SPATA13: variants seen among roughly 807,000 people sequenced by gnomAD.
SPATA13 encodes the protein spermatogenesis associated 13.
SPATA13 carries 50 observed loss-of-function variants against 104.0 expected under a neutral mutation model. The ratio of observed to expected loss-of-function variants is 0.48; its 90% CI spans 0.38 to 0.61. The LOEUF is 0.61. Ranked by LOEUF, SPATA13 falls within the 20% of genes least tolerant of loss-of-function variation. The pLI is 0.00. For missense variants in SPATA13, 1,524 were observed against 1,690.6 expected (o/e 0.90, Z 1.73); for synonymous variants, 606 against 667.5 (o/e 0.91, Z 1.42).
chr13:24,160,758 C>A lies in SPATA13; in HGVS notation c.-286C>A. ...CGGCGCGGGAGGAGAGTGTGCGTTG[C>A]GCTTTCTCCCGCGATCGCCCTGCCG... On this transcript the variant is annotated 5_prime_UTR_variant, in exon 1 of 13. Transcript: ENST00000382108. 1 of 985,410 alleles carries A rather than the reference C, an allele frequency of 1.0e-6. No homozygotes were observed. The highest frequency in any genetic ancestry group is 6.1e-5 in the Admixed American group (1 of 16,288). The allele number at this position is 985,410 out of a possible 1,614,324, so 61.0% of individuals were successfully genotyped here.
intron 3 of SPATA13, among the ~76,000 whole-genome samples, chr13:24,115,313 A>G (rs1880797652): frequency 6.6e-6 from 1 of 152,158 alleles, no homozygotes; most frequent in African/African-American, 2.4e-5. Flanking sequence ...GAGACTCAGC[A>G]GCTTACAACA....
chr13:24,104,538 A>G (rs17080036), intron 3 of SPATA13, among the ~76,000 whole-genome samples: 1,561 of 152,312 alleles, frequency 0.01, 32 homozygotes, highest in African/African-American at 0.035. Flanking sequence ...GATACAAGGC[A>G]TCCCTTAGAG....
At chr13:24,232,585 AG>A (rs1370508810) in intron 2 of SPATA13, among the ~76,000 whole-genome samples, 1 of 152,198 alleles carries the variant, frequency 6.6e-6, no homozygotes, top group Non-Finnish European at 1.5e-5. Flanking sequence ...TCTCTTGCCC[AG>A]GCTGGAGTAC....
At chr13:24,267,069 A>G (rs567256892) in intron 4 of SPATA13, among the ~76,000 whole-genome samples, 1 of 152,276 alleles carries the variant, frequency 6.6e-6, no homozygotes, top group East Asian at 1.9e-4. Flanking sequence ...TGAAAGTCCT[A>G]TCTCCTTGTT....
chr13:23,987,645 T>C (rs1875216330), intron 2 of SPATA13, among the ~76,000 whole-genome samples: 1 of 152,172 alleles, frequency 6.6e-6, no homozygotes, highest in Non-Finnish European at 1.5e-5. Context: ...AAAAGTTTGG[T>C]GTTTTATTTA....
intron 4 of SPATA13, among the ~76,000 whole-genome samples, chr13:24,274,644 C>T (rs1874845918): frequency 4.6e-5 from 7 of 152,212 alleles, no homozygotes; most frequent in South Asian, 2.1e-4. Flanking sequence ...ACGAGCTGCC[C>T]GCCTGGGCTT....
chr13:24,123,884 C>T (rs1340129655), intron 3 of SPATA13: 7 of 663,924 alleles, frequency 1.1e-5, no homozygotes, highest in Admixed American at 2.4e-5. Flanking sequence ...AATAAAACTC[C>T]TCCACCCAGA....
At chr13:24,280,944 C>T (rs1389567063) in intron 4 of SPATA13, among the ~76,000 whole-genome samples, 1 of 152,176 alleles carries the variant, frequency 6.6e-6, no homozygotes, top group East Asian at 1.9e-4. Flanking sequence ...ATGCGTTGTT[C>T]AGGCTCCCGT....
intron 1 of SPATA13, among the ~76,000 whole-genome samples, chr13:24,179,647 TTC>T (rs1250732388): frequency 6.6e-6 from 1 of 152,176 alleles, no homozygotes; most frequent in African/African-American, 2.4e-5. Flanking sequence ...CTATTTTACT[TTC>T]TGTTTCCGTG....
chr13:24,026,890 C>T (rs748410138), intron 3 of SPATA13, among the ~76,000 whole-genome samples: 3 of 152,146 alleles, frequency 2.0e-5, no homozygotes, highest in Non-Finnish European at 4.4e-5. Flanking sequence ...GCGTGAGCCA[C>T]CACACCTGGC....
intron 4 of SPATA13, among the ~76,000 whole-genome samples, chr13:24,279,151 G>GGGA (rs1297859068): frequency 1.1e-4 from 17 of 152,338 alleles, no homozygotes; most frequent in African/African-American, 3.1e-4. Context: ...ACTAAACCAG[G>GGGA]GGAGACAGTG....
chr13:24,189,906 AT>A (rs1364129066), intron 1 of SPATA13, among the ~76,000 whole-genome samples: 1 of 98,440 alleles, frequency 1.0e-5, no homozygotes, highest in African/African-American at 4.2e-5. Context: ...ATATAATTAT[AT>A]TACATAATAT....
chr13:24,061,855 CTAACA>C (rs1878783564), intron 3 of SPATA13, among the ~76,000 whole-genome samples: 1 of 150,266 alleles, frequency 6.7e-6, no homozygotes, highest in Non-Finnish European at 1.5e-5. Flanking sequence ...TACCCCAAAC[CTAACA>C]TAAAAGTTTT....
At chr13:24,230,229 C>A (rs1872181736) in intron 2 of SPATA13, among the ~76,000 whole-genome samples, 1 of 152,230 alleles carries the variant, frequency 6.6e-6, no homozygotes. Context: ...CACCACTCAA[C>A]ACCTGCTATG....
At position 24,200,172 on chromosome 13, in the gene SPATA13, T is replaced by A. The variant is rs555946201; in HGVS notation, c.-111-22647T>A. ...ACAGTTTGATGAATACTATTGTTAT[T>A]CTGCCTTTGTTTAGATGTGGGAACC... On this transcript the variant is annotated intron_variant, in intron 1 of 12. Transcript: ENST00000382108. Among the ~76,000 whole-genome samples, 8 of 152,310 alleles carry A rather than the reference T, an allele frequency of 5.3e-5. No homozygotes were observed. In the South Asian group the frequency reaches 1.7e-3, roughly 32 times the overall value.
chr13:24,138,774 T>TA (rs1359434378), intron 3 of SPATA13, among the ~76,000 whole-genome samples: 2 of 128,288 alleles, frequency 1.6e-5, no homozygotes, highest in African/African-American at 2.9e-5. Context: ...TTTTTTTTTT[T>TA]AGAGATGGGC....
intron 1 of SPATA13, among the ~76,000 whole-genome samples, chr13:24,204,667 TCTAGGTA>T (rs1870604509): frequency 6.6e-6 from 1 of 152,344 alleles, no homozygotes; most frequent in South Asian, 2.1e-4. Flanking sequence ...ATTTGACTTC[TCTAGGTA>T]CTTCAAATAA....
chr13:24,122,352 C>T (rs1160921333), intron 3 of SPATA13: 22 of 1,523,122 alleles, frequency 1.4e-5, no homozygotes, highest in African/African-American at 2.7e-5. Flanking sequence ...ATATCTGATA[C>T]ACATCAACAG....
intron 4 of SPATA13, chr13:24,278,554 A>G: frequency 1.6e-6 from 2 of 1,218,646 alleles, no homozygotes; most frequent in Non-Finnish European, 2.1e-6. Flanking sequence ...CTGGGATTAC[A>G]AGCATGAGCT....
Sources: gnomAD v4.1 joint callset for allele counts (sites outside exome capture counted in the v4.1 genomes callset) on GRCh38, gnomAD v4.1.1 for gene constraint, MANE v1.5 for transcripts, NCBI Gene and HGNC (gene_info 2026-07-23, HGNC 2026-07-21) for gene names.